The following ZFAND3 variants were observed in gnomAD, a reference collection of about 807,000 sequenced individuals.
ZFAND3 encodes zinc finger AN1-type containing 3, also known as AN1-type zinc finger protein 3.
A neutral mutation model predicts 29.6 loss-of-function variants in ZFAND3; 10 were observed. The observed-to-expected ratio is 0.34, with a 90% CI of 0.21 to 0.57. The LOEUF is 0.57. Among genes scored for constraint, ZFAND3 ranks in the 20% least tolerant of loss-of-function variants. ZFAND3 has a pLI of 0.86. For missense variants in ZFAND3, 230 were observed against 304.5 expected (o/e 0.76, Z 1.82); for synonymous variants, 128 against 112.6 (o/e 1.14, Z -0.87).
intron 2 of ZFAND3, among the ~76,000 whole-genome samples, chr6:38,010,174 C>T (rs1763121174): frequency 6.6e-6 from 1 of 152,198 alleles, no homozygotes; most frequent in South Asian, 2.1e-4. Flanking sequence ...CTGGACAGGG[C>T]ACCATCCCAT....
intron 4 of ZFAND3, among the ~76,000 whole-genome samples, chr6:38,112,552 T>C (rs1235529554): frequency 6.6e-6 from 1 of 152,248 alleles, no homozygotes; most frequent in Non-Finnish European, 1.5e-5. Context: ...TTCAGGAAAT[T>C]GGCAATGCTT....
At chr6:37,854,773 C>G (rs968613538) in intron 1 of ZFAND3, among the ~76,000 whole-genome samples, 3 of 141,938 alleles carry the variant, frequency 2.1e-5, no homozygotes, top group Admixed American at 1.4e-4. Flanking sequence ...TGCCCCCCCC[C>G]CCCTTTTTTT....
intron 2 of ZFAND3, among the ~76,000 whole-genome samples, chr6:38,028,406 A>G (rs1763488020): frequency 6.6e-6 from 1 of 151,538 alleles, no homozygotes. Context: ...CAGTTTTTAG[A>G]AATACTCTAT....
At chr6:38,072,036 C>G (rs1016304375) in intron 3 of ZFAND3, among the ~76,000 whole-genome samples, 2 of 151,946 alleles carry the variant, frequency 1.3e-5, no homozygotes, top group African/African-American at 2.4e-5. Context: ...CAAAGCAACT[C>G]AAAAAAAGGC....
At chr6:38,089,159 G>A (rs1380231446) in intron 4 of ZFAND3, among the ~76,000 whole-genome samples, 2 of 151,834 alleles carry the variant, frequency 1.3e-5, no homozygotes, top group African/African-American at 4.8e-5. Context: ...TTGTCACCCA[G>A]GCTGGAGTAC....
chr6:37,833,824 C>CA (rs55733520), intron 1 of ZFAND3, among the ~76,000 whole-genome samples: 20,334 of 67,472 alleles, frequency 0.3, 2,530 homozygotes, highest in African/African-American at 0.44. Context: ...GACACTGTCT[C>CA]AAAAAAAAAA....
At chr6:37,968,814 G>T (rs765994597) in intron 2 of ZFAND3, among the ~76,000 whole-genome samples, 1 of 152,142 alleles carries the variant, frequency 6.6e-6, no homozygotes, top group South Asian at 2.1e-4. Context: ...GATTACTGGC[G>T]CAAGCCACCA....
intron 2 of ZFAND3, among the ~76,000 whole-genome samples, chr6:37,999,543 T>C (rs912478769): frequency 5.9e-5 from 9 of 152,186 alleles, no homozygotes; most frequent in South Asian, 2.1e-4. Flanking sequence ...GCATATACCC[T>C]TGATATGGTG....
chr6:38,144,217 TAATATA>T lies in ZFAND3; in HGVS notation c.530-8017_530-8012del, dbSNP rs1562016133. Reference sequence around the variant, plus strand: ...TATATATATATATATATATAATATATAATATATATATATATTTTTTTTTTAATAAGG... The same window carrying T: ...TATATATATATATATATATAATATATTATATATATTTTTTTTTTAATAAGG... On this transcript the variant is annotated intron_variant, in intron 5 of 5. Transcript: ENST00000287218. 1.7e-4 allele frequency among the ~76,000 whole-genome samples: 17 copies of T among 98,316 alleles called. No individual in the cohort carries two copies. The East Asian group carries it at 3.3e-3, about 19-fold the overall frequency. The allele number at this position is 98,316 out of a possible 152,430, so 64.5% of individuals were successfully genotyped here.
At chr6:37,917,506 A>G (rs1384786410) in intron 1 of ZFAND3, among the ~76,000 whole-genome samples, 1 of 152,232 alleles carries the variant, frequency 6.6e-6, no homozygotes, top group Non-Finnish European at 1.5e-5. Context: ...AAGCAATAGA[A>G]TCTCTGGTGA....
intron 2 of ZFAND3, among the ~76,000 whole-genome samples, chr6:37,932,270 A>AT (rs571501754): frequency 2.7e-4 from 41 of 151,996 alleles, no homozygotes; most frequent in Admixed American, 5.9e-4. Context: ...CAAAAAAAAA[A>AT]AAATAAATAA....
rs1299851005 is a variant in ZFAND3 at position 38,028,637 on chromosome 6, TTG to T, written c.113-32954_113-32953del. Among the ~76,000 whole-genome samples, 120 of 152,298 alleles carry T rather than the reference TTG, an allele frequency of 7.9e-4. 1 individual carries two copies. The East Asian group carries it at 0.018, about 23-fold the overall frequency. ...AAAGTCTGCCTGACCTAGGGTACTA[TTG>T]TAGTAAAGAATCCACTTAACTCTCC... On this transcript the variant is annotated intron_variant, in intron 2 of 5. Transcript: ENST00000287218.
At chr6:37,952,821 C>T (rs1369492771) in intron 2 of ZFAND3, among the ~76,000 whole-genome samples, 1 of 151,676 alleles carries the variant, frequency 6.6e-6, no homozygotes, top group Non-Finnish European at 1.5e-5. Flanking sequence ...TCTCCTCTAG[C>T]CCAGAGTCTG....
intron 5 of ZFAND3, among the ~76,000 whole-genome samples, chr6:38,128,111 C>G (rs2127490038): frequency 6.6e-6 from 1 of 152,334 alleles, no homozygotes; most frequent in Non-Finnish European, 1.5e-5. Flanking sequence ...ATGGCAAACA[C>G]ACGCACACGC....
chr6:38,104,447 A>AT (rs1260986278), intron 4 of ZFAND3, among the ~76,000 whole-genome samples: 1 of 150,496 alleles, frequency 6.6e-6, no homozygotes, highest in East Asian at 2.3e-4. Context: ...AATGGGGAGA[A>AT]GTTTTTTTTG....
chr6:37,917,533 C>CT (rs1761282712), intron 1 of ZFAND3, among the ~76,000 whole-genome samples: 2 of 152,300 alleles, frequency 1.3e-5, no homozygotes, highest in South Asian at 2.1e-4. Context: ...AACAGGAATA[C>CT]TTTAAGTCTT....
intron 4 of ZFAND3, among the ~76,000 whole-genome samples, chr6:38,110,569 A>G (rs1765295449): frequency 6.6e-6 from 1 of 152,168 alleles, no homozygotes; most frequent in Non-Finnish European, 1.5e-5. Flanking sequence ...GTGATGTGTG[A>G]GGGTTCGTTA....
At chr6:38,138,101 C>T (rs185713690) in intron 5 of ZFAND3, among the ~76,000 whole-genome samples, 3 of 151,948 alleles carry the variant, frequency 2.0e-5, no homozygotes, top group Non-Finnish European at 2.9e-5. Flanking sequence ...CAGTTGAGCT[C>T]AGGAGTTGGA....
chr6:37,918,534 A>G (rs1268457199), intron 1 of ZFAND3, among the ~76,000 whole-genome samples: 1 of 152,198 alleles, frequency 6.6e-6, no homozygotes, highest in East Asian at 1.9e-4. Flanking sequence ...CTGACAAGGA[A>G]AGATCTAATA....
Sources: gnomAD v4.1 joint callset for allele counts (sites outside exome capture counted in the v4.1 genomes callset) on GRCh38, gnomAD v4.1.1 for gene constraint, MANE v1.5 for transcripts, NCBI Gene and HGNC (gene_info 2026-07-23, HGNC 2026-07-21) for gene names.